The following DOCK1 variants were observed in gnomAD, a reference collection of about 807,000 sequenced individuals.
DOCK1 encodes the protein dedicator of cytokinesis protein 1.
In DOCK1, 138 loss-of-function variants were observed where a neutral mutation model predicts 262.7. The ratio of observed to expected loss-of-function variants is 0.53; its 90% CI spans 0.46 to 0.61. The LOEUF is 0.61. DOCK1 is among the 20% of genes least tolerant of loss of function. The pLI is 0.00. For missense variants in DOCK1, 1,908 were observed against 2,370.7 expected (o/e 0.80, Z 4.05); for synonymous variants, 866 against 867.4 (o/e 1.00, Z 0.03).
In DOCK1 at chr10:127,175,440, C is replaced by G. The variant is rs377729347; in HGVS notation, c.2847+47676C>G. 6.2e-6 allele frequency: 10 copies of G among 1,612,476 alleles called. No individual in the cohort carries two copies. In the East Asian group the frequency reaches 2.2e-4, roughly 36 times the overall value. Reference sequence around the variant, plus strand: ...GGTGTGAGTCTGCGACGGCTGCTCACTACATTCGGGGGACAGGCACTGCAT... The same window carrying G: ...GGTGTGAGTCTGCGACGGCTGCTCAGTACATTCGGGGGACAGGCACTGCAT... On this transcript the variant is annotated intron_variant, in intron 27 of 51. Transcript: ENST00000623213. This position sits in a 1 kb window ranked among gnomAD's most constrained non-coding sequence, Gnocchi z 6.3.
intron 29 of DOCK1, among the ~76,000 whole-genome samples, chr10:127,337,365 G>T (rs1267469192): frequency 6.6e-6 from 1 of 152,114 alleles, no homozygotes; most frequent in Non-Finnish European, 1.5e-5. Context: ...AAGACTGGGG[G>T]GCTGATTAGA....
intron 27 of DOCK1, among the ~76,000 whole-genome samples, chr10:127,184,355 C>G (rs1193780982): frequency 2.0e-5 from 3 of 149,872 alleles, no homozygotes; most frequent in African/African-American, 7.4e-5. Flanking sequence ...TCACCATGCC[C>G]TATTCGTTTT....
chr10:127,084,498 C>T (rs1259926492), intron 23 of DOCK1, among the ~76,000 whole-genome samples: 2 of 152,116 alleles, frequency 1.3e-5, no homozygotes, highest in Admixed American at 6.5e-5. Context: ...ACTGGTAATG[C>T]CCCATTCAGA....
chr10:127,202,747 A>G (rs944776186), intron 27 of DOCK1, among the ~76,000 whole-genome samples: 3 of 152,244 alleles, frequency 2.0e-5, no homozygotes, highest in African/African-American at 7.2e-5. Flanking sequence ...GGTTCTTACC[A>G]GATAACTGGG....
chr10:127,358,856 G>A (rs1006939736), intron 32 of DOCK1, among the ~76,000 whole-genome samples: 1 of 152,182 alleles, frequency 6.6e-6, no homozygotes, highest in Non-Finnish European at 1.5e-5. Context: ...CACCCACAGG[G>A]AGGCTTCTGA....
chr10:126,968,954 A>G (rs567107693), intron 1 of DOCK1, among the ~76,000 whole-genome samples: 1 of 152,364 alleles, frequency 6.6e-6, no homozygotes, highest in East Asian at 1.9e-4. Context: ...AGAATTTTCA[A>G]TATCATAGGT....
chr10:127,048,727 A>G (rs2044512075), intron 21 of DOCK1, among the ~76,000 whole-genome samples: 1 of 152,208 alleles, frequency 6.6e-6, no homozygotes, highest in Admixed American at 6.5e-5. Context: ...CAGCTCAGAA[A>G]CAGGTTTCCA....
chr10:127,320,572 T>C (rs936094563), intron 29 of DOCK1, among the ~76,000 whole-genome samples: 2 of 152,032 alleles, frequency 1.3e-5, no homozygotes, highest in African/African-American at 2.4e-5. Context: ...AGGAATGGGC[T>C]CAAGGCGGAT....
At chr10:127,230,493 G>C (rs1054749330) in intron 27 of DOCK1, among the ~76,000 whole-genome samples, 1 of 152,070 alleles carries the variant, frequency 6.6e-6, no homozygotes, top group Non-Finnish European at 1.5e-5. Context: ...TGGAGATCCA[G>C]TTCTTCCAGC....
chr10:127,413,152 A>G (rs1303219715), intron 43 of DOCK1, among the ~76,000 whole-genome samples: 2 of 152,190 alleles, frequency 1.3e-5, no homozygotes, highest in African/African-American at 2.4e-5. Flanking sequence ...CACCTCTCCC[A>G]TCTGGCAAGT....
intron 47 of DOCK1, among the ~76,000 whole-genome samples, chr10:127,430,989 G>A (rs531386331): frequency 2.0e-5 from 3 of 152,300 alleles, no homozygotes; most frequent in Admixed American, 2.0e-4. Context: ...TCAGGGTAAG[G>A]AGCCCTGTGG....
At chr10:127,183,161 C>T (rs1448711613) in intron 27 of DOCK1, among the ~76,000 whole-genome samples, 1 of 151,198 alleles carries the variant, frequency 6.6e-6, no homozygotes, top group Non-Finnish European at 1.5e-5. Flanking sequence ...GATTTTTTCC[C>T]CCCTAAAAAT....
intron 23 of DOCK1, among the ~76,000 whole-genome samples, chr10:127,093,477 C>G (rs995214864): frequency 6.6e-6 from 1 of 151,534 alleles, no homozygotes; most frequent in African/African-American, 2.4e-5. Context: ...CTCAGCCTCC[C>G]AAGTAGCTGG....
At chr10:127,224,224 G>T (rs1299791547) in intron 27 of DOCK1, among the ~76,000 whole-genome samples, 1 of 151,986 alleles carries the variant, frequency 6.6e-6, no homozygotes, top group Non-Finnish European at 1.5e-5. Context: ...TCCAGAGATG[G>T]CTTTGGATCA....
At position 127,176,375 on chromosome 10, in the gene DOCK1, G is replaced by A. The variant is rs1340129009; in HGVS notation, c.2847+48611G>A. 4.3e-6 allele frequency: 7 copies of A among 1,609,878 alleles called. No individual in the cohort carries two copies. Among genetic ancestry groups the A allele is most frequent in the South Asian group, 1.1e-5 (1 of 90,704 alleles). ...TCTCCGACGTTGTGAGTATGCATTT[G>A]CCGGTGTCCTTACTGACCATGGTTC... On this transcript the variant is annotated intron_variant, in intron 27 of 51. Transcript: ENST00000623213. This position sits in a 1 kb window ranked among gnomAD's most constrained non-coding sequence, Gnocchi z 4.4.
intron 29 of DOCK1, among the ~76,000 whole-genome samples, chr10:127,288,674 G>A (rs757630971): frequency 3.3e-5 from 5 of 151,168 alleles, no homozygotes; most frequent in Non-Finnish European, 7.4e-5. Context: ...ACACAAACAT[G>A]ATGTCTTGTT....
intron 42 of DOCK1, among the ~76,000 whole-genome samples, chr10:127,410,593 A>C (rs2067786990): frequency 6.6e-6 from 1 of 151,796 alleles, no homozygotes; most frequent in Non-Finnish European, 1.5e-5. Context: ...TGCTCATTTC[A>C]CTCTTACTCA....
intron 27 of DOCK1, among the ~76,000 whole-genome samples, chr10:127,152,255 C>T (rs1176649099): frequency 6.6e-6 from 1 of 152,120 alleles, no homozygotes; most frequent in Non-Finnish European, 1.5e-5. Context: ...GTGTTACAGC[C>T]CTTTGTTGTT....
intron 22 of DOCK1, among the ~76,000 whole-genome samples, chr10:127,060,875 A>G (rs1447522437): frequency 6.6e-6 from 1 of 152,242 alleles, no homozygotes; most frequent in Non-Finnish European, 1.5e-5. Context: ...TTAGAAGATC[A>G]TGGTAAATTT....
Sources: gnomAD v4.1 joint callset for allele counts (sites outside exome capture counted in the v4.1 genomes callset) on GRCh38, gnomAD v4.1.1 for gene constraint, Gnocchi (gnomAD v3.1) non-coding constraint, MANE v1.5 for transcripts, NCBI Gene and HGNC (gene_info 2026-07-23, HGNC 2026-07-21) for gene names.